The following FAM184A variants were observed in gnomAD, a reference collection of about 807,000 sequenced individuals.
FAM184A encodes protein FAM184A.
FAM184A carries 99 observed loss-of-function variants against 143.8 expected under a neutral mutation model. The observed-to-expected ratio is 0.69, with a 90% CI of 0.58 to 0.81. The LOEUF is 0.81. Among genes scored for constraint, FAM184A ranks in the 40% least tolerant of loss-of-function variants. The pLI, the probability that FAM184A is intolerant of heterozygous loss-of-function variation, is 0.00. For synonymous variants in FAM184A, 427 were observed against 446.4 expected (o/e 0.96, Z 0.55); for missense variants, 1,217 against 1,310.5 (o/e 0.93, Z 1.10).
chr6:118,969,242 C>T (rs1783595871), intron 14 of FAM184A, among the ~76,000 whole-genome samples: 2 of 152,206 alleles, frequency 1.3e-5, no homozygotes, highest in African/African-American at 4.8e-5. Flanking sequence ...GTCAATTAAA[C>T]CTCTTTCCTT....
intron 1 of FAM184A, among the ~76,000 whole-genome samples, chr6:119,089,253 G>C (rs2114817829): frequency 6.6e-6 from 1 of 150,522 alleles, no homozygotes; most frequent in African/African-American, 2.4e-5. Context: ...ACCGAGGCTG[G>C]AGTGCAGTGG....
chr6:119,012,024 C>T (rs1304214433), intron 5 of FAM184A, among the ~76,000 whole-genome samples: 1 of 152,078 alleles, frequency 6.6e-6, no homozygotes, highest in Non-Finnish European at 1.5e-5. Context: ...ATTAGACATG[C>T]ATAGGGAGTA....
At chr6:119,026,219 G>A (rs1785630529) in intron 1 of FAM184A, among the ~76,000 whole-genome samples, 1 of 151,956 alleles carries the variant, frequency 6.6e-6, no homozygotes, top group Non-Finnish European at 1.5e-5. Context: ...AAGTCTACAG[G>A]AAAAAATGTG....
At chr6:119,126,591 G>C (rs1462686120) in intron 1 of FAM184A, among the ~76,000 whole-genome samples, 1 of 152,218 alleles carries the variant, frequency 6.6e-6, no homozygotes, top group Non-Finnish European at 1.5e-5. Flanking sequence ...CATCTAGAGG[G>C]GGAGTACCTG....
chr6:119,028,388 T>C (rs1785744827), intron 1 of FAM184A, among the ~76,000 whole-genome samples: 1 of 152,172 alleles, frequency 6.6e-6, no homozygotes, highest in East Asian at 1.9e-4. Context: ...GGATTGGGGC[T>C]GGCTGCCAGA....
chr6:118,997,003 C>T (rs574801013), intron 9 of FAM184A, among the ~76,000 whole-genome samples: 8 of 78,448 alleles, frequency 1.0e-4, no homozygotes, highest in African/African-American at 2.6e-4. Flanking sequence ...GGATTACAGG[C>T]GTGAGCCACC....
At chr6:119,036,518 A>C (rs1326920520) in intron 1 of FAM184A, among the ~76,000 whole-genome samples, 1 of 151,978 alleles carries the variant, frequency 6.6e-6, no homozygotes, top group Non-Finnish European at 1.5e-5. Flanking sequence ...ATAATGTTGG[A>C]GGTATCTTTG....
chr6:119,129,736 T>C (rs956659081), intron 1 of FAM184A, among the ~76,000 whole-genome samples: 2 of 152,016 alleles, frequency 1.3e-5, no homozygotes, highest in African/African-American at 4.8e-5. Context: ...GGGGTTGTTA[T>C]TGTTGTTTTC....
chr6:119,091,742 C>T (rs528130267), intron 1 of FAM184A, among the ~76,000 whole-genome samples: 7 of 152,322 alleles, frequency 4.6e-5, no homozygotes, highest in East Asian at 3.9e-4. Context: ...GATGAGGGAT[C>T]GGATGCAATC....
chr6:118,976,612 C>T (rs758903466), intron 11 of FAM184A, among the ~76,000 whole-genome samples: 3 of 150,620 alleles, frequency 2.0e-5, no homozygotes, highest in African/African-American at 2.5e-5. Flanking sequence ...TGCAATGAGC[C>T]GAGATCACGC....
chr6:119,001,275 A>G (rs1784748350), intron 9 of FAM184A, among the ~76,000 whole-genome samples: 1 of 151,484 alleles, frequency 6.6e-6, no homozygotes, highest in Non-Finnish European at 1.5e-5. Flanking sequence ...CTCTATGGCA[A>G]TGCGTGTGCC....
At chr6:118,963,244 G>A (rs991240868) in intron 16 of FAM184A, 13 of 151,920 alleles carry the variant, frequency 8.6e-5, no homozygotes, top group African/African-American at 3.1e-4. Context: ...AAGAATACTG[G>A]TAAAGTTCTA....
chr6:119,089,831 T>G (rs193199608), intron 1 of FAM184A, among the ~76,000 whole-genome samples: 1 of 152,232 alleles, frequency 6.6e-6, no homozygotes, highest in African/African-American at 2.4e-5. Flanking sequence ...GGTTTCTTGC[T>G]ATGTGCTTCT....
At chr6:119,140,525 TCA>T (rs563030389) in intron 1 of FAM184A, among the ~76,000 whole-genome samples, 119 of 152,338 alleles carry the variant, frequency 7.8e-4, no homozygotes, top group Non-Finnish European at 1.5e-3. Context: ...TCTTCCTTTC[TCA>T]GCCATTTTCG....
intron 1 of FAM184A, among the ~76,000 whole-genome samples, chr6:119,041,085 G>A (rs1307092437): frequency 5.3e-5 from 8 of 152,110 alleles, no homozygotes; most frequent in African/African-American, 1.7e-4. Context: ...ATATTCTAGG[G>A]GAGAGAATTC....
chr6:119,096,509 GC>G lies in FAM184A; in HGVS notation c.-202+52568del, dbSNP rs1391301074. On this transcript the variant is annotated intron_variant, in intron 1 of 16. Coordinates refer to the FAM184A transcript ENST00000352896. ...AAATTAGCCGGGCGCGGTGGCGGGC[GC>G]CTGTAGTCCCAGCTACTCGGGAGGC... is the stretch of plus-strand genomic sequence containing the variant. Among the ~76,000 whole-genome samples, 3 of 85,766 alleles carry G rather than the reference GC, an allele frequency of 3.5e-5. 1 individual carries two copies. The highest frequency in any genetic ancestry group is 1.3e-4 in the African/African-American group (3 of 23,560). 56.3% of individuals were successfully genotyped at this position (85,766 alleles called of 152,430 possible). A position where few individuals can be genotyped will look rare whatever the true frequency, so the allele number is the denominator to read the frequency against.
At chr6:119,144,971 C>T (rs935806491) in intron 1 of FAM184A, among the ~76,000 whole-genome samples, 2 of 152,224 alleles carry the variant, frequency 1.3e-5, no homozygotes, top group Admixed American at 6.5e-5. Context: ...GCAACATCAT[C>T]GCGTTATGTG....
At chr6:119,110,062 G>A (rs921394590) in intron 1 of FAM184A, among the ~76,000 whole-genome samples, 1 of 152,078 alleles carries the variant, frequency 6.6e-6, no homozygotes, top group Non-Finnish European at 1.5e-5. Flanking sequence ...TCTAAGTATC[G>A]TGCTTTAACT....
At chr6:119,051,908 T>C (rs1256872231) in intron 1 of FAM184A, among the ~76,000 whole-genome samples, 1 of 152,198 alleles carries the variant, frequency 6.6e-6, no homozygotes, top group Admixed American at 6.5e-5. Flanking sequence ...CTGGTTGTAT[T>C]TGGTGAGAAA....
Sources: gnomAD v4.1 joint callset for allele counts (sites outside exome capture counted in the v4.1 genomes callset) on GRCh38, gnomAD v4.1.1 for gene constraint, MANE v1.5 for transcripts, NCBI Gene and HGNC (gene_info 2026-07-23, HGNC 2026-07-21) for gene names.